Variants in ATXN7 observed in about 807,000 individuals in gnomAD.
ATXN7 encodes ataxin 7, also known as ataxin-7.
A neutral mutation model predicts 70.5 loss-of-function variants in ATXN7; 12 were observed. The ratio of observed to expected loss-of-function variants is 0.17; its 90% CI spans 0.11 to 0.28. ATXN7 has a LOEUF of 0.28. Ranked by LOEUF, ATXN7 falls within the 10% of genes least tolerant of loss-of-function variation. The probability of loss-of-function intolerance (pLI) is 1.00; values close to 1 mark genes in which losing one functional copy is unlikely to be tolerated. For missense variants in ATXN7, 1,256 were observed against 1,131.7 expected (o/e 1.11, Z -1.58); for synonymous variants, 498 against 448.7 (o/e 1.11, Z -1.39).
At chr3:63,927,532 C>G (rs913964566) in intron 4 of ATXN7, among the ~76,000 whole-genome samples, 1 of 152,104 alleles carries the variant, frequency 6.6e-6, no homozygotes, top group African/African-American at 2.4e-5. Flanking sequence ...GAGTGTGGTT[C>G]GTCTTTGGTT....
intron 9 of ATXN7, among the ~76,000 whole-genome samples, chr3:63,989,291 T>C (rs1198757938): frequency 6.6e-6 from 1 of 152,182 alleles, no homozygotes; most frequent in Admixed American, 6.5e-5. Flanking sequence ...TTTTTGCATC[T>C]AGAAAAATGT....
chr3:63,994,920 A>G (rs1028841515), intron 11 of ATXN7, among the ~76,000 whole-genome samples: 2 of 152,254 alleles, frequency 1.3e-5, no homozygotes, highest in African/African-American at 2.4e-5. Flanking sequence ...TTACAACACC[A>G]TGCTGAATAT....
At chr3:63,981,322 T>C (rs1172654779) in intron 6 of ATXN7, among the ~76,000 whole-genome samples, 1 of 152,188 alleles carries the variant, frequency 6.6e-6, no homozygotes, top group East Asian at 1.9e-4. Flanking sequence ...CCGGGAGCAG[T>C]CTGAAAGCCA....
intron 1 of ATXN7, among the ~76,000 whole-genome samples, chr3:63,867,382 A>G (rs535436520): frequency 6.6e-6 from 1 of 151,754 alleles, no homozygotes; most frequent in South Asian, 2.1e-4. Context: ...TTTGTTGCCC[A>G]GTCTGGAATG....
At chr3:63,993,251 G>T (rs1381940279) in intron 11 of ATXN7, among the ~76,000 whole-genome samples, 1 of 148,400 alleles carries the variant, frequency 6.7e-6, no homozygotes, top group Non-Finnish European at 1.5e-5. Context: ...GGCTGGGATG[G>T]TTTTCAAAGA....
At chr3:63,871,099 A>G (rs372483116) in intron 1 of ATXN7, among the ~76,000 whole-genome samples, 2 of 152,118 alleles carry the variant, frequency 1.3e-5, no homozygotes, top group Admixed American at 6.5e-5. Context: ...CTGCTTTTCA[A>G]CATTCTCTAC....
chr3:63,983,900 T>G (rs1288799731), intron 8 of ATXN7, among the ~76,000 whole-genome samples: 2 of 152,182 alleles, frequency 1.3e-5, no homozygotes, highest in South Asian at 4.1e-4. Flanking sequence ...CTTTGAAGTA[T>G]GTAATTTTAA....
intron 11 of ATXN7, among the ~76,000 whole-genome samples, chr3:63,993,451 CAA>C (rs571461104): frequency 5.1e-5 from 6 of 117,182 alleles, no homozygotes; most frequent in Admixed American, 1.8e-4. Context: ...GACTCCGTCT[CAA>C]AAAAAAAAAA....
rs755809289 is a variant in ATXN7, at chr3:63,913,196, A to C, written c.365A>C (p.Asn122Thr). The change falls in exon 4 of 13, where the codon AAC (asparagine) becomes ACC (threonine). Residue 122 changes from asparagine (N) to threonine (T), a missense_variant. By Grantham distance (65) the Asn-to-Thr change is moderately conservative. Coordinates refer to ENST00000674280, the MANE Select transcript of ATXN7 (RefSeq NM_001377405.1). ...LDESFKEFGKNREVMGLCRED... is the reference protein window; with the variant it reads ...LDESFKEFGKTREVMGLCRED... ...GAAAGTTTCAAGGAGTTTGGGAAAA[A>C]CCGCGAAGTCATGGGGCTCTGTCGG... is the stretch of plus-strand genomic sequence containing the variant. The C allele has an allele frequency of 6.2e-7, 1 of 1,613,410 alleles. No homozygotes were observed.
chr3:63,963,978 A>G (rs951416010), intron 5 of ATXN7, among the ~76,000 whole-genome samples: 2 of 152,086 alleles, frequency 1.3e-5, no homozygotes, highest in Non-Finnish European at 2.9e-5. Flanking sequence ...ACCAGCCACT[A>G]TGAGAGTTAT....
At chr3:63,928,589 G>A (rs922500800) in intron 4 of ATXN7, among the ~76,000 whole-genome samples, 2 of 152,150 alleles carry the variant, frequency 1.3e-5, no homozygotes, top group African/African-American at 4.8e-5. Context: ...AATCCTTACA[G>A]CAGTAGTCTG....
At chr3:63,902,966 TTTAAAGAA>T (rs1201551242) in intron 2 of ATXN7, among the ~76,000 whole-genome samples, 1 of 152,168 alleles carries the variant, frequency 6.6e-6, no homozygotes, top group Non-Finnish European at 1.5e-5. Flanking sequence ...TTCCTTTAAG[TTTAAAGAA>T]TTAAAGCATC....
chr3:63,982,505 G>A, intron 7 of ATXN7, 60 bp downstream of exon 7: 2 of 1,398,376 alleles, frequency 1.4e-6, no homozygotes, highest in Non-Finnish European at 2.0e-6. Context: ...GCATTCGTGG[G>A]GAGCAAATCA....
At chr3:63,871,018 A>G (rs1029192129) in intron 1 of ATXN7, among the ~76,000 whole-genome samples, 4 of 152,096 alleles carry the variant, frequency 2.6e-5, no homozygotes, top group Non-Finnish European at 4.4e-5. Flanking sequence ...TCTCCTGGCC[A>G]TTGTGTAAGG....
intron 5 of ATXN7, among the ~76,000 whole-genome samples, chr3:63,954,047 C>T (rs1299204072): frequency 6.6e-6 from 1 of 152,098 alleles, no homozygotes; most frequent in Admixed American, 6.5e-5. Context: ...ACCATTTTTT[C>T]AAGGAATAAT....
At chr3:63,936,680 A>G (rs760737903) in intron 4 of ATXN7, among the ~76,000 whole-genome samples, 4 of 152,190 alleles carry the variant, frequency 2.6e-5, no homozygotes, top group Non-Finnish European at 5.9e-5. Flanking sequence ...ACTTTCTCAC[A>G]TATGGTTTTG....
At chr3:63,913,314 A>T (rs576176384) in intron 4 of ATXN7, 89 bp downstream of exon 4, 2 of 1,330,212 alleles carry the variant, frequency 1.5e-6, no homozygotes, top group South Asian at 2.5e-5. Context: ...AGCCCACCAT[A>T]CCGACTCCCC....
intron 1 of ATXN7, among the ~76,000 whole-genome samples, chr3:63,881,844 G>A (rs893415332): frequency 3.9e-5 from 6 of 152,198 alleles, no homozygotes; most frequent in African/African-American, 1.4e-4. Context: ...AGAGAGTAAA[G>A]TAAAGGGGCT....
intron 4 of ATXN7, among the ~76,000 whole-genome samples, chr3:63,935,278 A>T (rs989879646): frequency 3.3e-5 from 5 of 152,282 alleles, no homozygotes; most frequent in South Asian, 4.1e-4. Flanking sequence ...CAAGGGGAGC[A>T]CTGTCTCCCT....
Sources: allele counts gnomAD v4.1 joint callset (sites outside exome capture counted in the v4.1 genomes callset), GRCh38; gene constraint gnomAD v4.1.1; transcripts MANE v1.5; gene names NCBI Gene and HGNC (gene_info 2026-07-23, HGNC 2026-07-21).